GPC6: variants seen among roughly 807,000 people sequenced by gnomAD.
GPC6 encodes glypican-6.
Under a neutral mutation model 55.2 loss-of-function variants are expected in GPC6, and 14 were observed. That is an observed-to-expected ratio of 0.25 (90% CI 0.17 to 0.40). The LOEUF (loss-of-function observed/expected upper bound fraction) is 0.40. Ranked by LOEUF, GPC6 falls within the 10% of genes least tolerant of loss-of-function variation. The probability of loss-of-function intolerance (pLI) is 1.00; values close to 1 mark genes in which losing one functional copy is unlikely to be tolerated. For synonymous variants in GPC6, 278 were observed against 259.6 expected, an observed-to-expected ratio of 1.07 and a Z score of -0.68; for missense variants, 641 against 708.5, an observed-to-expected ratio of 0.90 and a Z score of 1.08.
rs564692167 is a variant in GPC6 at position 94,383,070 on chromosome 13, G to A, written c.1289+520G>A. Among the ~76,000 whole-genome samples, 11 of 152,238 alleles carry A rather than the reference G, an allele frequency of 7.2e-5. No homozygotes were observed. In the South Asian group the frequency reaches 1.4e-3, roughly 20 times the overall value. ...GCAACACACTTTGGGAAGTCCCATC[G>A]GAACCTCCTGACAAGAGACAGCAGT... On this transcript the variant is annotated intron_variant, in intron 7 of 8. Transcript: ENST00000377047.
chr13:93,318,887 C>T (rs1219437219), intron 1 of GPC6, among the ~76,000 whole-genome samples: 1 of 152,134 alleles, frequency 6.6e-6, no homozygotes, highest in African/African-American at 2.4e-5. Context: ...TATGTTATAG[C>T]TTTCCCTGCA....
chr13:93,651,984 T>C (rs1880438939), intron 2 of GPC6, among the ~76,000 whole-genome samples: 3 of 152,132 alleles, frequency 2.0e-5, no homozygotes, highest in Admixed American at 2.0e-4. Flanking sequence ...GGCTAAATGA[T>C]AAATTTAAAC....
In GPC6 at chr13:94,103,300, G is replaced by T. The variant is rs143839136; in HGVS notation, c.877+75406G>T. Among the ~76,000 whole-genome samples the T allele has an allele frequency of 1.9e-3, 294 of 152,196 alleles. 1 individual carries two copies. The highest frequency in any genetic ancestry group is 6.5e-3 in the African/African-American group (272 of 41,534). On this transcript the variant is annotated intron_variant, in intron 4 of 8. Coordinates refer to ENST00000377047, the MANE Select transcript of GPC6 (RefSeq NM_005708.5). ...CCAGTCAATCATTGATGGGCATTTG[G>T]GTTGTTTCCAAGTCTTTTCTATTGT...
intron 3 of GPC6, among the ~76,000 whole-genome samples, chr13:93,989,774 ACT>A (rs1881209466): frequency 6.6e-6 from 1 of 151,912 alleles, no homozygotes; most frequent in Non-Finnish European, 1.5e-5. Context: ...AGAATCCAAG[ACT>A]CTGATTTAGT....
At chr13:93,282,056 G>A (rs560674444) in intron 1 of GPC6, among the ~76,000 whole-genome samples, 28 of 152,194 alleles carry the variant, frequency 1.8e-4, no homozygotes, top group African/African-American at 6.3e-4. Flanking sequence ...CAGTGAAATC[G>A]AATTAAGTAA....
At chr13:94,248,295 T>C (rs1217563667) in intron 4 of GPC6, among the ~76,000 whole-genome samples, 1 of 152,140 alleles carries the variant, frequency 6.6e-6, no homozygotes, top group East Asian at 1.9e-4. Context: ...GACAGCAACA[T>C]CTACGTTTGG....
At chr13:93,287,092 T>G (rs1878154426) in intron 1 of GPC6, among the ~76,000 whole-genome samples, 1 of 152,130 alleles carries the variant, frequency 6.6e-6, no homozygotes, top group Admixed American at 6.5e-5. Flanking sequence ...ATGTTTAAAC[T>G]TGGGTCTGAC....
intron 1 of GPC6, among the ~76,000 whole-genome samples, chr13:93,476,476 A>G (rs564281451): frequency 2.0e-5 from 3 of 152,108 alleles, no homozygotes; most frequent in Non-Finnish European, 4.4e-5. Context: ...TAACAATCCA[A>G]CTGCGGGGTT....
chr13:93,908,878 T>G (rs901856273), intron 3 of GPC6, among the ~76,000 whole-genome samples: 3 of 152,192 alleles, frequency 2.0e-5, no homozygotes, highest in African/African-American at 7.2e-5. Flanking sequence ...CTTGTCCTTC[T>G]GGTATCTGTT....
At chr13:94,153,589 A>T (rs999015809) in intron 4 of GPC6, among the ~76,000 whole-genome samples, 1 of 152,186 alleles carries the variant, frequency 6.6e-6, no homozygotes, top group African/African-American at 2.4e-5. Flanking sequence ...CTTGTGTCCT[A>T]TCTACCATTT....
intron 2 of GPC6, among the ~76,000 whole-genome samples, chr13:93,698,282 T>G (rs1047984256): frequency 1.3e-5 from 2 of 152,076 alleles, no homozygotes; most frequent in Non-Finnish European, 2.9e-5. Flanking sequence ...TTTGTAGTCC[T>G]TTTCCTCTAG....
At chr13:93,772,158 T>G (rs2138893844) in intron 2 of GPC6, among the ~76,000 whole-genome samples, 1 of 152,286 alleles carries the variant, frequency 6.6e-6, no homozygotes, top group Non-Finnish European at 1.5e-5. Context: ...AAAATGTCAC[T>G]GATGATAAAG....
chr13:93,840,008 TTCTC>T (rs1160349661), intron 3 of GPC6, among the ~76,000 whole-genome samples: 1 of 152,152 alleles, frequency 6.6e-6, no homozygotes, highest in East Asian at 1.9e-4. Flanking sequence ...GGTTCCTTCT[TTCTC>T]TATCTTGTGG....
At chr13:93,477,829 T>G (rs1289248412) in intron 1 of GPC6, among the ~76,000 whole-genome samples, 1 of 152,216 alleles carries the variant, frequency 6.6e-6, no homozygotes, top group Non-Finnish European at 1.5e-5. Flanking sequence ...ATTTGTTTCT[T>G]ATGTGCAGAG....
intron 4 of GPC6, among the ~76,000 whole-genome samples, chr13:94,260,866 A>G (rs1226241101): frequency 6.6e-6 from 1 of 152,166 alleles, no homozygotes; most frequent in Non-Finnish European, 1.5e-5. Context: ...AACAAGTTGG[A>G]GGGTTATGAT....
At chr13:93,670,623 T>G (rs1045007439) in intron 2 of GPC6, among the ~76,000 whole-genome samples, 26 of 152,138 alleles carry the variant, frequency 1.7e-4, no homozygotes, top group Non-Finnish European at 2.5e-4. Flanking sequence ...ATAGCGATAA[T>G]AATCAGTATG....
intron 1 of GPC6, among the ~76,000 whole-genome samples, chr13:93,397,627 A>G (rs1875908554): frequency 6.6e-6 from 1 of 152,148 alleles, no homozygotes. Context: ...TCATAAAATG[A>G]GCACCCTTTA....
At chr13:94,253,651 C>T (rs1891423280) in intron 4 of GPC6, among the ~76,000 whole-genome samples, 1 of 151,792 alleles carries the variant, frequency 6.6e-6, no homozygotes, top group African/African-American at 2.4e-5. Flanking sequence ...TCATAGAAAA[C>T]TTTTCTTATG....
chr13:93,983,400 A>G (rs901347694), intron 3 of GPC6, among the ~76,000 whole-genome samples: 3 of 152,118 alleles, frequency 2.0e-5, no homozygotes, highest in African/African-American at 7.2e-5. Flanking sequence ...ATGCATTTAG[A>G]ACATAACACT....
Sources: allele counts gnomAD v4.1 joint callset (sites outside exome capture counted in the v4.1 genomes callset), GRCh38; gene constraint gnomAD v4.1.1; transcripts MANE v1.5; gene names NCBI Gene and HGNC (gene_info 2026-07-23, HGNC 2026-07-21).